The following FA2H variants were observed in gnomAD, a reference collection of about 807,000 sequenced individuals.
FA2H encodes the protein fatty acid 2-hydroxylase.
In FA2H, 22 loss-of-function variants were observed where a neutral mutation model predicts 44.9. The observed-to-expected ratio is 0.49, with a 90% CI of 0.35 to 0.70. FA2H has a LOEUF of 0.70. FA2H is among the 30% of genes least tolerant of loss of function. The pLI, the probability that FA2H is intolerant of heterozygous loss-of-function variation, is 0.01. For synonymous variants in FA2H, 243 were observed against 213.2 expected, an observed-to-expected ratio of 1.14 and a Z score of -1.22; for missense variants, 501 against 504.9, an observed-to-expected ratio of 0.99 and a Z score of 0.07.
At chr16:74,762,362 A>T (rs1962730201) in intron 1 of FA2H, among the ~76,000 whole-genome samples, 1 of 151,974 alleles carries the variant, frequency 6.6e-6, no homozygotes, top group South Asian at 2.1e-4. Flanking sequence ...TTTTTGGAAA[A>T]ACCACACATG....
chr16:74,724,399 T>C (rs1411265859), intron 4 of FA2H, among the ~76,000 whole-genome samples: 1 of 151,960 alleles, frequency 6.6e-6, no homozygotes, highest in Non-Finnish European at 1.5e-5. Flanking sequence ...CCGCCCCCTT[T>C]CCCCCGTCTC....
chr16:74,722,742 C>T (rs544216408), intron 4 of FA2H, among the ~76,000 whole-genome samples: 7 of 152,020 alleles, frequency 4.6e-5, no homozygotes, highest in Non-Finnish European at 7.4e-5. Context: ...GAGAAACTTC[C>T]GTCTCTAAAA....
At chr16:74,718,017 G>A (rs1961744131) in intron 5 of FA2H, among the ~76,000 whole-genome samples, 1 of 152,138 alleles carries the variant, frequency 6.6e-6, no homozygotes, top group Non-Finnish European at 1.5e-5. Flanking sequence ...GTTGGCCCAG[G>A]ACTGGGCACC....
intron 1 of FA2H, among the ~76,000 whole-genome samples, chr16:74,768,672 G>T (rs1273945533): frequency 6.6e-6 from 1 of 152,104 alleles, no homozygotes; most frequent in African/African-American, 2.4e-5. Flanking sequence ...CCCGGTCCTG[G>T]GTAGGGTGGA....
At chr16:74,760,735 G>C (rs1252389144) in intron 1 of FA2H, among the ~76,000 whole-genome samples, 1 of 152,222 alleles carries the variant, frequency 6.6e-6, no homozygotes, top group African/African-American at 2.4e-5. Context: ...CTTCAGCCCA[G>C]TCAGAAGGAT....
intron 1 of FA2H, among the ~76,000 whole-genome samples, chr16:74,744,132 T>C (rs943652126): frequency 6.6e-6 from 1 of 152,182 alleles, no homozygotes; most frequent in Non-Finnish European, 1.5e-5. Context: ...CACGTTGATC[T>C]GGGCCACGTT....
chr16:74,716,665 C>G, intron 5 of FA2H, 66 bp from the exon 6 acceptor site: 1 of 1,495,354 alleles, frequency 6.7e-7, no homozygotes, highest in African/African-American at 1.4e-5. Flanking sequence ...CAAACCCTGG[C>G]CACTCCCTGC....
chr16:74,717,793 C>T (rs1350917268), intron 5 of FA2H, among the ~76,000 whole-genome samples: 1 of 152,178 alleles, frequency 6.6e-6, no homozygotes, highest in African/African-American at 2.4e-5. Context: ...CCCTGGGGCC[C>T]CAGAATGGCC....
intron 2 of FA2H, among the ~76,000 whole-genome samples, chr16:74,733,145 C>T (rs1458522411): frequency 2.0e-5 from 3 of 152,180 alleles, no homozygotes. Flanking sequence ...CACCTGGGTG[C>T]CCAGGGAAGG....
intron 1 of FA2H, among the ~76,000 whole-genome samples, chr16:74,773,090 G>C (rs1397788242): frequency 2.0e-5 from 3 of 152,068 alleles, no homozygotes; most frequent in Non-Finnish European, 4.4e-5. Context: ...TGCCCAGGCT[G>C]GTCTTGAACT....
chr16:74,769,525 C>G (rs1371397936), intron 1 of FA2H, among the ~76,000 whole-genome samples: 7 of 152,050 alleles, frequency 4.6e-5, no homozygotes, highest in Non-Finnish European at 8.8e-5. Flanking sequence ...AAGTGGTACA[C>G]CAAATTGGTA....
Position 74,755,159 on chromosome 16 carries a change from G to GCT in FA2H, c.271-15045_271-15044insAG, listed in dbSNP as rs1555541209. On this transcript the variant is annotated intron_variant, in intron 1 of 6. Coordinates refer to ENST00000219368, the MANE Select transcript of FA2H (RefSeq NM_024306.5). Reference sequence around the variant, plus strand: ...TAGAAGTGTGAGAGAATACATTTGTGTTTTTTTTTTTGGCAGGGCTGGGGG... The same window carrying GCT: ...TAGAAGTGTGAGAGAATACATTTGTGCTTTTTTTTTTTTGGCAGGGCTGGGGG... Among the ~76,000 whole-genome samples the GCT allele has an allele frequency of 3.9e-3, 576 of 146,740 alleles. 1 individual carries two copies. Among genetic ancestry groups the GCT allele is most frequent in the African/African-American group, 0.014 (537 of 39,762 alleles).
chr16:74,715,545 G>A (rs75942820), intron 6 of FA2H, among the ~76,000 whole-genome samples: 4,486 of 152,240 alleles, frequency 0.029, 222 homozygotes, highest in African/African-American at 0.1. Context: ...CCCTGCCTCC[G>A]CCTCCTATAG....
At chr16:74,728,034 C>G (rs1338068119) in intron 2 of FA2H, among the ~76,000 whole-genome samples, 1 of 152,132 alleles carries the variant, frequency 6.6e-6, no homozygotes, top group South Asian at 2.1e-4. Flanking sequence ...CAGTTAGACT[C>G]GGAAGTCAGG....
intron 2 of FA2H, among the ~76,000 whole-genome samples, chr16:74,737,089 C>G (rs1019421509): frequency 6.6e-6 from 1 of 152,182 alleles, no homozygotes; most frequent in South Asian, 2.1e-4. Context: ...GGGCAGCGAA[C>G]TTCTGCAAAC....
intron 2 of FA2H, among the ~76,000 whole-genome samples, chr16:74,736,778 T>C (rs2240251): frequency 0.47 from 71,690 of 151,862 alleles, 17,494 homozygotes; most frequent in East Asian, 0.66. Context: ...CCTCTGCCAC[T>C]CCCTCTCCTA....
At position 74,714,135 on chromosome 16, in the gene FA2H, G is replaced by A; in HGVS notation, c.*55C>T. ...TTAATGGGGTCTGAATGGCGGGTGGGGGTCGGGAAGGGGCCAGGGCCGGGC... is the reference window on the plus strand; with the variant it reads ...TTAATGGGGTCTGAATGGCGGGTGGAGGTCGGGAAGGGGCCAGGGCCGGGC... On this transcript the variant is annotated 3_prime_UTR_variant, in exon 7 of 7. Coordinates refer to ENST00000219368, the MANE Select transcript of FA2H (RefSeq NM_024306.5). 1 of 1,099,672 alleles carries A rather than the reference G, an allele frequency of 9.1e-7. No individual in the cohort carries two copies. The highest frequency in any genetic ancestry group is 2.6e-5 in the East Asian group (1 of 38,934). 68.1% of individuals were successfully genotyped at this position (1,099,672 alleles called of 1,614,324 possible).
Position 74,719,178 on chromosome 16 carries a change from G to A in FA2H, c.614-18C>T. 1.2e-6 allele frequency: 2 copies of A among 1,610,202 alleles called. No individual in the cohort carries two copies. Among genetic ancestry groups the A allele is most frequent in the South Asian group, 2.2e-5 (2 of 91,038 alleles). ...CGTGTACTCTGCAGGGTGGCAGGGA[G>A]AGCGAGGTGAGGACCGGTGCATAGC... is the stretch of plus-strand genomic sequence containing the variant. On this transcript the variant is annotated intron_variant, in intron 4 of 6. Transcript: ENST00000219368.
At chr16:74,772,070 T>C (rs920865699) in intron 1 of FA2H, among the ~76,000 whole-genome samples, 1 of 151,946 alleles carries the variant, frequency 6.6e-6, no homozygotes, top group Non-Finnish European at 1.5e-5. Flanking sequence ...CCATTTTTGT[T>C]AGAGTCAAGT....
Sources: allele counts gnomAD v4.1 joint callset (sites outside exome capture counted in the v4.1 genomes callset), GRCh38; gene constraint gnomAD v4.1.1; transcripts MANE v1.5; gene names NCBI Gene and HGNC (gene_info 2026-07-23, HGNC 2026-07-21).